AFF3: variants seen among roughly 807,000 people sequenced by gnomAD.
The protein encoded by AFF3 is AF4/FMR2 family member 3.
In AFF3, 32 loss-of-function variants were observed where a neutral mutation model predicts 129.7. The observed-to-expected ratio is 0.25, with a 90% CI of 0.19 to 0.33. The LOEUF is 0.33. AFF3 is among the 10% of genes least tolerant of loss of function. The probability of loss-of-function intolerance (pLI) is 1.00; values close to 1 mark genes in which losing one functional copy is unlikely to be tolerated. For missense variants in AFF3, 1,373 were observed against 1,592.0 expected (o/e 0.86, Z 2.34); for synonymous variants, 644 against 635.4 (o/e 1.01, Z -0.20).
intron 7 of AFF3, among the ~76,000 whole-genome samples, chr2:99,860,643 G>A (rs1477549225): frequency 6.6e-6 from 1 of 152,054 alleles, no homozygotes; most frequent in East Asian, 1.9e-4. Context: ...TAGGAGAATG[G>A]CTTGAACCCA....
intron 7 of AFF3, among the ~76,000 whole-genome samples, chr2:99,933,368 C>T (rs1174828828): frequency 6.6e-6 from 1 of 152,028 alleles, no homozygotes; most frequent in African/African-American, 2.4e-5. Context: ...ACGTGCAGAA[C>T]ATGCAGGTTT....
At chr2:99,836,707 A>T (rs920014716) in intron 8 of AFF3, among the ~76,000 whole-genome samples, 1 of 152,108 alleles carries the variant, frequency 6.6e-6, no homozygotes, top group Non-Finnish European at 1.5e-5. Flanking sequence ...ATTAAAATAA[A>T]GTGTTTTTTT....
chr2:99,563,971 G>A (rs1675742533), intron 20 of AFF3, among the ~76,000 whole-genome samples: 1 of 152,160 alleles, frequency 6.6e-6, no homozygotes, highest in South Asian at 2.1e-4. Flanking sequence ...AGTGGGCACA[G>A]TGGGTGTGGT....
intron 4 of AFF3, among the ~76,000 whole-genome samples, chr2:100,030,708 C>T (rs985734126): frequency 1.3e-5 from 2 of 152,186 alleles, no homozygotes; most frequent in Non-Finnish European, 2.9e-5. Flanking sequence ...CAAAAATACA[C>T]AGATGAATCC....
At chr2:99,663,670 A>T (rs528146654) in intron 12 of AFF3, among the ~76,000 whole-genome samples, 3 of 152,342 alleles carry the variant, frequency 2.0e-5, no homozygotes, top group African/African-American at 7.2e-5. Flanking sequence ...AAGGGGATAA[A>T]CCATGTTCAT....
chr2:99,738,588 T>C (rs1001304272), intron 10 of AFF3, among the ~76,000 whole-genome samples: 1 of 152,270 alleles, frequency 6.6e-6, no homozygotes, highest in East Asian at 1.9e-4. Flanking sequence ...TCTTTCTTTT[T>C]GGCGTCACTG....
At chr2:99,993,904 C>T (rs1680598557) in intron 7 of AFF3, among the ~76,000 whole-genome samples, 1 of 137,456 alleles carries the variant, frequency 7.3e-6, no homozygotes, top group Non-Finnish European at 1.5e-5. Flanking sequence ...CTCCTGGGTT[C>T]AAGCAATTCT....
chr2:99,669,973 T>C (rs1407209225), intron 12 of AFF3, among the ~76,000 whole-genome samples: 1 of 152,108 alleles, frequency 6.6e-6, no homozygotes. Context: ...GCCTATTGGA[T>C]CTGGTGACAC....
At chr2:99,683,053 A>C (rs1183770464) in intron 11 of AFF3, among the ~76,000 whole-genome samples, 1 of 152,138 alleles carries the variant, frequency 6.6e-6, no homozygotes, top group Admixed American at 6.5e-5. Context: ...ATGGGTTTGG[A>C]AGGCACTAAT....
chr2:100,126,135 AG>A (rs1370082083), intron 2 of AFF3, among the ~76,000 whole-genome samples: 5 of 152,210 alleles, frequency 3.3e-5, no homozygotes, highest in Non-Finnish European at 5.9e-5. Flanking sequence ...TTATTGCATG[AG>A]GCGAATGAGA....
intron 7 of AFF3, among the ~76,000 whole-genome samples, chr2:99,996,371 A>G (rs1275718023): frequency 2.0e-5 from 3 of 152,080 alleles, no homozygotes; most frequent in Non-Finnish European, 4.4e-5. Context: ...CAGATTATAG[A>G]ACCACAGGTG....
intron 8 of AFF3, among the ~76,000 whole-genome samples, chr2:99,771,343 A>T (rs1242197518): frequency 6.6e-6 from 1 of 151,710 alleles, no homozygotes; most frequent in Admixed American, 6.6e-5. Flanking sequence ...CAAACCACCG[A>T]GGTACACGTT....
intron 7 of AFF3, among the ~76,000 whole-genome samples, chr2:99,970,920 C>T (rs766420827): frequency 7.9e-4 from 120 of 152,248 alleles, no homozygotes; most frequent in Non-Finnish European, 1.1e-3. Flanking sequence ...GCTCACAAGG[C>T]TTGCACTCCC....
chr2:100,052,144 T>G lies in AFF3; in HGVS notation c.54-43212A>C, dbSNP rs573566376. 2.0e-5 allele frequency among the ~76,000 whole-genome samples: 3 copies of G among 152,354 alleles called. No homozygotes were observed. In the East Asian group the frequency reaches 5.8e-4, roughly 29 times the overall value. On this transcript the variant is annotated intron_variant, in intron 4 of 24. Coordinates refer to ENST00000672756, the MANE Select transcript of AFF3 (RefSeq NM_001386135.1). ...CCTCACTGATGTGCTGCTTTCATGT[T>G]CATTTTGTAGTTCATGTATGAATTA...
chr2:99,934,125 C>T (rs1265648158), intron 7 of AFF3, among the ~76,000 whole-genome samples: 1 of 152,166 alleles, frequency 6.6e-6, no homozygotes, highest in East Asian at 1.9e-4. Context: ...AATAGAAAGC[C>T]TTGCCCGAAT....
At chr2:99,587,343 A>T in intron 15 of AFF3, 65 bp from the exon 16 acceptor site, 3 of 1,588,506 alleles carry the variant, frequency 1.9e-6, no homozygotes, top group Non-Finnish European at 2.6e-6. Context: ...GTTCCCAGGC[A>T]CCGACTTCCA....
At chr2:100,019,908 A>G (rs1378828919) in intron 4 of AFF3, among the ~76,000 whole-genome samples, 5 of 151,956 alleles carry the variant, frequency 3.3e-5, no homozygotes, top group Admixed American at 1.3e-4. Context: ...CTTCCCATAG[A>G]TGCCACTTTC....
Position 99,641,167 on chromosome 2 carries a change from C to G in AFF3, c.1184+8459G>C, listed in dbSNP as rs74698396. ...CATGACACCTCATATGTGTCCTCCC[C>G]CTTCTCCTTCCCCTGTCAGAGAGTA... On this transcript the variant is annotated intron_variant, in intron 13 of 24. Transcript: ENST00000672756. Among the ~76,000 whole-genome samples the G allele has an allele frequency of 1.1e-3, 173 of 152,302 alleles. 3 individuals are homozygous for G. The East Asian group carries it at 0.031, about 27-fold the overall frequency.
chr2:99,885,380 T>C (rs1213563935), intron 7 of AFF3, among the ~76,000 whole-genome samples: 2 of 152,222 alleles, frequency 1.3e-5, no homozygotes, highest in Non-Finnish European at 2.9e-5. Context: ...ATTTCACTTG[T>C]TTAAGTCTTA....
Sources: allele counts gnomAD v4.1 joint callset (sites outside exome capture counted in the v4.1 genomes callset), GRCh38; gene constraint gnomAD v4.1.1; transcripts MANE v1.5; gene names NCBI Gene and HGNC (gene_info 2026-07-23, HGNC 2026-07-21).